ST6GAL1: variants seen among roughly 807,000 people sequenced by gnomAD.
ST6GAL1 encodes the protein beta-galactoside alpha-2,6-sialyltransferase 1.
In ST6GAL1, 20 loss-of-function variants were observed where a neutral mutation model predicts 38.0. That is an observed-to-expected ratio of 0.53 (90% CI 0.37 to 0.77). ST6GAL1 has a LOEUF of 0.77. ST6GAL1 is among the 30% of genes least tolerant of loss of function. ST6GAL1 has a pLI of 0.00. For missense variants in ST6GAL1, 432 were observed against 496.4 expected, an observed-to-expected ratio of 0.87 and a Z score of 1.23; for synonymous variants, 196 against 188.2, an observed-to-expected ratio of 1.04 and a Z score of -0.34.
At chr3:187,049,122 T>C (rs905025455) in intron 4 of ST6GAL1, among the ~76,000 whole-genome samples, 2 of 152,158 alleles carry the variant, frequency 1.3e-5, no homozygotes, top group African/African-American at 4.8e-5. Context: ...AACTCCTGAC[T>C]TCAGGTGATC....
chr3:186,988,585 C>T (rs894107795), intron 2 of ST6GAL1, among the ~76,000 whole-genome samples: 2 of 1,060 alleles, frequency 1.9e-3, no homozygotes, highest in Non-Finnish European at 3.9e-3. Flanking sequence ...GTGGTGGGGG[C>T]GGGTGGTGGT....
intron 1 of ST6GAL1, among the ~76,000 whole-genome samples, chr3:186,958,175 A>G (rs1382426852): frequency 1.3e-5 from 2 of 152,230 alleles, no homozygotes; most frequent in Non-Finnish European, 2.9e-5. Context: ...CAGACAAACA[A>G]ATGAGGTAAT....
At chr3:186,933,016 C>A (rs1713814420) in intron 1 of ST6GAL1, among the ~76,000 whole-genome samples, 1 of 152,168 alleles carries the variant, frequency 6.6e-6, no homozygotes, top group South Asian at 2.1e-4. Flanking sequence ...CCCGGTGAAA[C>A]CCCCACCTCC....
chr3:186,979,699 T>C (rs1715631197), intron 2 of ST6GAL1, among the ~76,000 whole-genome samples: 1 of 152,138 alleles, frequency 6.6e-6, no homozygotes, highest in African/African-American at 2.4e-5. Context: ...AATATGTGGG[T>C]TGTTCTATGC....
At chr3:186,993,511 G>A (rs924058549) in intron 2 of ST6GAL1, among the ~76,000 whole-genome samples, 3 of 152,118 alleles carry the variant, frequency 2.0e-5, no homozygotes, top group Non-Finnish European at 4.4e-5. Flanking sequence ...TTGGCATCAC[G>A]GGGTGCAGTT....
At chr3:187,070,393 G>A (rs1453504321) in intron 5 of ST6GAL1, among the ~76,000 whole-genome samples, 2 of 147,090 alleles carry the variant, frequency 1.4e-5, no homozygotes, top group Non-Finnish European at 3.0e-5. Flanking sequence ...TCTCTGCTTG[G>A]CATCTTCTTT....
chr3:187,022,226 G>A (rs1251342189), intron 2 of ST6GAL1, among the ~76,000 whole-genome samples: 1 of 152,208 alleles, frequency 6.6e-6, no homozygotes, highest in Admixed American at 6.5e-5. Context: ...AGGACACCAA[G>A]CTGGTGTCGC....
intron 3 of ST6GAL1, among the ~76,000 whole-genome samples, chr3:187,039,690 T>C (rs1428108803): frequency 1.3e-5 from 2 of 152,254 alleles, no homozygotes; most frequent in Non-Finnish European, 2.9e-5. Context: ...GCTACTCTTT[T>C]CCCTCGGTTG....
At chr3:187,024,467 T>C in intron 2 of ST6GAL1, among the ~76,000 whole-genome samples, 1 of 102,924 alleles carries the variant, frequency 9.7e-6, no homozygotes. Context: ...TATACACATA[T>C]ATATGTGTAT....
chr3:186,935,609 ACT>A (rs1713923673), intron 1 of ST6GAL1, among the ~76,000 whole-genome samples: 1 of 152,038 alleles, frequency 6.6e-6, no homozygotes, highest in Non-Finnish European at 1.5e-5. Context: ...ACTAATTTAC[ACT>A]CCCACCAACA....
At chr3:187,022,104 G>A (rs2108565534) in intron 2 of ST6GAL1, 1 of 152,404 alleles carries the variant, frequency 6.6e-6, no homozygotes, top group African/African-American at 2.4e-5. Flanking sequence ...TCAGAAAGAA[G>A]TTCTGGAGGC....
chr3:186,945,988 CAAAAAAAAAA>C (rs71167026), intron 1 of ST6GAL1, among the ~76,000 whole-genome samples: 1 of 71,480 alleles, frequency 1.4e-5, no homozygotes, highest in Admixed American at 1.9e-4. Flanking sequence ...AAGACTCCGT[CAAAAAAAAAA>C]AAAAAAAAAA....
intron 4 of ST6GAL1, among the ~76,000 whole-genome samples, chr3:187,048,003 C>T (rs1377825407): frequency 1.3e-5 from 2 of 149,754 alleles, no homozygotes; most frequent in African/African-American, 2.5e-5. Flanking sequence ...AGTGCAGTGG[C>T]GTGATCTTGG....
intron 7 of ST6GAL1, 33 bp downstream of exon 7, chr3:187,074,366 T>G: frequency 4.0e-6 from 6 of 1,513,322 alleles, no homozygotes; most frequent in Non-Finnish European, 5.3e-6. Flanking sequence ...ACCTTGCATG[T>G]TTGTTTCTAG....
At position 187,076,547 on chromosome 3, in the gene ST6GAL1, C is replaced by G; in HGVS notation, c.*744C>G. On this transcript the variant is annotated 3_prime_UTR_variant, in exon 8 of 8. Transcript: ENST00000169298. ...GGTAGGATTCAGTGTGCTCAGTGCA[C>G]TGGGGATTTGGAGAGAGATGGGCTT... 3.1e-6 allele frequency: 1 copy of G among 317,520 alleles called. No homozygotes were observed. Among genetic ancestry groups the G allele is most frequent in the Non-Finnish European group, 5.7e-6 (1 of 175,970 alleles). 19.7% of individuals were successfully genotyped at this position (317,520 alleles called of 1,614,324 possible).
chr3:186,943,103 G>T (rs771251726), intron 1 of ST6GAL1, among the ~76,000 whole-genome samples: 5 of 152,318 alleles, frequency 3.3e-5, no homozygotes, highest in Non-Finnish European at 7.3e-5. Context: ...TTACAATATA[G>T]TGTGATAAAT....
At chr3:187,030,810 C>T (rs1426457770) in intron 2 of ST6GAL1, among the ~76,000 whole-genome samples, 1 of 152,198 alleles carries the variant, frequency 6.6e-6, no homozygotes, top group Non-Finnish European at 1.5e-5. Flanking sequence ...GAGCTACTCA[C>T]ACAGTTGTGT....
chr3:187,069,325 G>A (rs2284751), intron 5 of ST6GAL1, among the ~76,000 whole-genome samples: 15,489 of 152,160 alleles, frequency 0.1, 879 homozygotes, highest in East Asian at 0.17. Flanking sequence ...GGTAGAGACA[G>A]GGTTTCGCCA....
At chr3:187,050,650 C>T (rs1044320113) in intron 4 of ST6GAL1, among the ~76,000 whole-genome samples, 4 of 152,036 alleles carry the variant, frequency 2.6e-5, no homozygotes, top group African/African-American at 4.8e-5. Flanking sequence ...GTTAGTTTAG[C>T]TCTCTGACCT....
Sources: allele counts gnomAD v4.1 joint callset (sites outside exome capture counted in the v4.1 genomes callset), GRCh38; gene constraint gnomAD v4.1.1; transcripts MANE v1.5; gene names NCBI Gene and HGNC (gene_info 2026-07-23, HGNC 2026-07-21).